Variants in TUBD1 observed in about 807,000 individuals in gnomAD.
TUBD1 encodes the protein tubulin delta chain.
TUBD1 carries 38 observed loss-of-function variants against 51.2 expected under a neutral mutation model. The ratio of observed to expected loss-of-function variants is 0.74; its 90% CI spans 0.57 to 0.97. The LOEUF is 0.97. TUBD1 is among the 50% of genes least tolerant of loss of function. The probability of loss-of-function intolerance (pLI) is 0.00; values close to 1 mark genes in which losing one functional copy is unlikely to be tolerated. For missense variants in TUBD1, 489 were observed against 538.4 expected (o/e 0.91, Z 0.91); for synonymous variants, 169 against 178.2 (o/e 0.95, Z 0.41).
intron 6 of TUBD1, among the ~76,000 whole-genome samples, chr17:59,871,197 G>T (rs1199923340): frequency 2.6e-5 from 4 of 152,066 alleles, no homozygotes; most frequent in African/African-American, 9.7e-5. Context: ...ACAGAATTAT[G>T]ATATTTATTT....
At chr17:59,891,068 G>T in intron 1 of TUBD1, 27 bp from the exon 2 acceptor site, 1 of 1,213,626 alleles carries the variant, frequency 8.2e-7, no homozygotes, top group Non-Finnish European at 1.2e-6. Flanking sequence ...TACGCTTTGA[G>T]AACCACTACA....
intron 3 of TUBD1, chr17:59,885,004 T>C: frequency 3.6e-6 from 1 of 276,702 alleles, no homozygotes; most frequent in Non-Finnish European, 7.1e-6. Flanking sequence ...AAGGGAAATG[T>C]GAAGGTGAAG....
In TUBD1 at chr17:59,885,341, C is replaced by T. The variant is rs945565136; in HGVS notation, c.320+742G>A. ...ATGCACTGGCAGCTAGACATGTATACCAGGAATATGTCCCCCACACCTGTT... is the reference window on the plus strand; with the variant it reads ...ATGCACTGGCAGCTAGACATGTATATCAGGAATATGTCCCCCACACCTGTT... On this transcript the variant is annotated intron_variant, in intron 3 of 8. Coordinates refer to ENST00000325752, the MANE Select transcript of TUBD1 (RefSeq NM_016261.4). 2.9e-5 allele frequency: 20 copies of T among 682,446 alleles called. No homozygotes were observed. In the African/African-American group the frequency reaches 3.5e-4, roughly 12 times the overall value. 42.3% of individuals were successfully genotyped at this position (682,446 alleles called of 1,614,324 possible).
In TUBD1 at chr17:59,878,348, G is replaced by A; in HGVS notation, c.538-14C>T. ...TTGAACAATAACCTGGAGAGGAAAA[G>A]GTCAGAAAAAAGAAAGGTAGGAGAG... is the stretch of plus-strand genomic sequence containing the variant. On this transcript the variant is annotated splice_polypyrimidine_tract_variant and intron_variant, in intron 4 of 8. Coordinates refer to ENST00000325752, the MANE Select transcript of TUBD1 (RefSeq NM_016261.4). The A allele has an allele frequency of 6.3e-7, 1 of 1,582,766 alleles. No individual in the cohort carries two copies. The highest frequency in any genetic ancestry group is 8.7e-7 in the Non-Finnish European group (1 of 1,153,376).
chr17:59,866,749 C>T lies in TUBD1; in HGVS notation c.935G>A (p.Gly312Asp), dbSNP rs764512969. The change falls in exon 7 of 9, where the codon GGT (glycine) becomes GAT (aspartate). Residue 312 changes from glycine to aspartate, a missense_variant and splice_region_variant. Transcript: ENST00000325752. ...MLISNAKMEE[G>D]IDRHVWPPLS... ...AGGAGGCCATACATGCCTATCAATACCTACCAAAAGAAAAAAAAAGCAAGA... is the reference window on the plus strand; with the variant it reads ...AGGAGGCCATACATGCCTATCAATATCTACCAAAAGAAAAAAAAAGCAAGA... The T allele has an allele frequency of 5.7e-6, 9 of 1,588,778 alleles. No individual in the cohort carries two copies. In the South Asian group the frequency reaches 1.0e-4, roughly 18 times the overall value.
intron 6 of TUBD1, among the ~76,000 whole-genome samples, chr17:59,873,724 G>C (rs1487333855): frequency 1.3e-5 from 2 of 151,974 alleles, no homozygotes; most frequent in African/African-American, 4.8e-5. Flanking sequence ...AATTAGCCAG[G>C]CATGGTAGCA....
chr17:59,864,157 ATT>A (rs1055683155), intron 7 of TUBD1, among the ~76,000 whole-genome samples: 1 of 145,184 alleles, frequency 6.9e-6, no homozygotes. Context: ...ATTATTACTA[ATT>A]TTTTTTTTTT....
intron 6 of TUBD1, among the ~76,000 whole-genome samples, chr17:59,870,488 G>A (rs907538848): frequency 1.3e-5 from 2 of 151,810 alleles, no homozygotes; most frequent in African/African-American, 2.4e-5. Context: ...CCCTGCAGTA[G>A]GAGGAGTGCG....
At chr17:59,863,435 C>T (rs892700988) in intron 8 of TUBD1, among the ~76,000 whole-genome samples, 3 of 151,962 alleles carry the variant, frequency 2.0e-5, no homozygotes, top group African/African-American at 7.3e-5. Flanking sequence ...ATGGTGAAAC[C>T]CTGCCTCTAC....
rs1257840627 is a variant in TUBD1, at chr17:59,859,867, T to G, written c.*455A>C. 6.6e-6 allele frequency: 1 copy of G among 152,188 alleles called. No individual in the cohort carries two copies. The highest frequency in any genetic ancestry group is 1.5e-5 in the Non-Finnish European group (1 of 68,066). The allele number at this position is 152,188 out of a possible 1,614,324, so 9.4% of individuals were successfully genotyped here. On this transcript the variant is annotated 3_prime_UTR_variant, in exon 9 of 9. Transcript: ENST00000325752. ...TTATAAAAGCACCATTTTTTTTTCT[T>G]ACAAATGAAATACCAAGTGAATGTT...
intron 2 of TUBD1, among the ~76,000 whole-genome samples, chr17:59,886,958 G>A (rs1446374413): frequency 6.6e-6 from 1 of 152,118 alleles, no homozygotes; most frequent in African/African-American, 2.4e-5. Flanking sequence ...GCCGAGGCGG[G>A]CGGATCATCT....
intron 3 of TUBD1, chr17:59,885,005 GA>G: frequency 7.1e-6 from 2 of 282,236 alleles, no homozygotes; most frequent in East Asian, 1.2e-4. Flanking sequence ...AGGGAAATGT[GA>G]AGGTGAAGAT....
chr17:59,891,160 T>C (rs2144592945), intron 1 of TUBD1, 119 bp from the exon 2 acceptor site: 1 of 578,308 alleles, frequency 1.7e-6, no homozygotes, highest in Admixed American at 3.5e-5. Context: ...AGACGGAGTC[T>C]TGTTCTGTCA....
chr17:59,875,214 C>A (rs958983109), intron 5 of TUBD1, among the ~76,000 whole-genome samples: 1 of 149,910 alleles, frequency 6.7e-6, no homozygotes, highest in Non-Finnish European at 1.5e-5. Flanking sequence ...GTAGCTGAGA[C>A]TACAGGCACG....
chr17:59,878,340 G>A lies in TUBD1; in HGVS notation c.538-6C>T, dbSNP rs1364751419. 5.6e-6 allele frequency: 9 copies of A among 1,599,612 alleles called. No individual in the cohort carries two copies. The highest frequency in any genetic ancestry group is 4.4e-5 in the South Asian group (4 of 90,764). The stretch of plus-strand genomic sequence containing the variant: ...TTGTAGTTTTGAACAATAACCTGGA[G>A]AGGAAAAGGTCAGAAAAAAGAAAGG... On this transcript the variant is annotated splice_polypyrimidine_tract_variant and splice_region_variant and intron_variant, in intron 4 of 8. Transcript: ENST00000325752.
rs374048813 is a variant in TUBD1, at chr17:59,865,342, AGGTCTGCAGTTTGAGACCAGCCT to A, written c.1075+1244_1075+1266del. 5.1e-3 allele frequency among the ~76,000 whole-genome samples: 780 copies of A among 152,028 alleles called. 18 individuals are homozygous for A. Among genetic ancestry groups the A allele is most frequent in the Admixed American group, 0.035 (538 of 15,242 alleles). The stretch of plus-strand genomic sequence containing the variant: ...GAGGCCGAGGCAGGTGGATCACTTG[AGGTCTGCAGTTTGAGACCAGCCT>A]GGTCTGCAGTTTGAGACCAGCCTGG... On this transcript the variant is annotated intron_variant, in intron 7 of 8. Coordinates refer to ENST00000325752, the MANE Select transcript of TUBD1 (RefSeq NM_016261.4).
chr17:59,859,984 T>C lies in TUBD1; in HGVS notation c.*338A>G, dbSNP rs2144396188. On this transcript the variant is annotated 3_prime_UTR_variant, in exon 9 of 9. Coordinates refer to ENST00000325752, the MANE Select transcript of TUBD1 (RefSeq NM_016261.4). ...GAATAGACTCAGCATTCTACGTGGT[T>C]ACTTTAACAGAATGGAACTTTGAAA... 1 of 164,134 alleles carries C rather than the reference T, an allele frequency of 6.1e-6. No homozygotes were observed. The highest frequency in any genetic ancestry group is 1.7e-4 in the South Asian group (1 of 5,782). 10.2% of individuals were successfully genotyped at this position (164,134 alleles called of 1,614,324 possible). A position where few individuals can be genotyped will look rare whatever the true frequency, so the allele number is the denominator to read the frequency against.
intron 1 of TUBD1, 88 bp from the exon 2 acceptor site, chr17:59,891,129 A>G (rs2040985084): frequency 1.4e-6 from 1 of 736,534 alleles, no homozygotes; most frequent in African/African-American, 1.8e-5. Context: ...TACATCAATA[A>G]AAAGTCTTTT....
intron 3 of TUBD1, chr17:59,885,330 A>G: frequency 1.5e-6 from 1 of 651,258 alleles, no homozygotes; most frequent in Non-Finnish European, 2.9e-6. Context: ...ACTGGCAGCT[A>G]GACATGTATA....
Sources: gnomAD v4.1 joint callset for allele counts (sites outside exome capture counted in the v4.1 genomes callset) on GRCh38, gnomAD v4.1.1 for gene constraint, MANE v1.5 for transcripts, NCBI Gene and HGNC (gene_info 2026-07-23, HGNC 2026-07-21) for gene names.